PPARGC1A: variants seen among roughly 807,000 people sequenced by gnomAD.
PPARGC1A encodes the protein PPARG coactivator 1 alpha.
A neutral mutation model predicts 88.7 loss-of-function variants in PPARGC1A; 25 were observed. The observed-to-expected ratio is 0.28, with a 90% CI of 0.21 to 0.39. The LOEUF (loss-of-function observed/expected upper bound fraction) is 0.39. Among genes scored for constraint, PPARGC1A ranks in the 10% least tolerant of loss-of-function variants. The probability of loss-of-function intolerance (pLI) is 1.00; values close to 1 mark genes in which losing one functional copy is unlikely to be tolerated. For missense variants in PPARGC1A, 880 were observed against 968.7 expected (o/e 0.91, Z 1.22); for synonymous variants, 363 against 355.6 (o/e 1.02, Z -0.24).
the PPARGC1A span, among the ~76,000 whole-genome samples, chr4:24,126,983 C>A: frequency 3.3e-5 from 5 of 152,140 alleles, no homozygotes; most frequent in Non-Finnish European, 5.9e-5. Context: ...GCCTGGGTGG[C>A]CATTTCCTAT....
chr4:23,803,424 A>G (rs1455504446), intron 10 of PPARGC1A, among the ~76,000 whole-genome samples: 2 of 152,216 alleles, frequency 1.3e-5, no homozygotes, highest in Admixed American at 1.3e-4. Context: ...TTAGGAACAG[A>G]CTAGAGGGGT....
the PPARGC1A span, among the ~76,000 whole-genome samples, chr4:24,285,843 A>T: frequency 6.6e-5 from 10 of 152,310 alleles, 1 homozygote; most frequent in South Asian, 2.1e-3. Context: ...AGTCATGAGG[A>T]TAAAAATATG....
the PPARGC1A span, among the ~76,000 whole-genome samples, chr4:24,396,969 A>G: frequency 6.6e-6 from 1 of 152,130 alleles, no homozygotes; most frequent in Admixed American, 6.5e-5. Context: ...CAGAAACACA[A>G]TTTTTCTGCT....
chr4:24,280,285 C>A, the PPARGC1A span, among the ~76,000 whole-genome samples: 4 of 152,224 alleles, frequency 2.6e-5, no homozygotes, highest in Non-Finnish European at 5.9e-5. Flanking sequence ...CTGCTGAAGT[C>A]ACAGCTGCTA....
Position 23,801,715 on chromosome 4 carries a change from C to A in PPARGC1A, c.2293+15G>T, listed in dbSNP as rs1230335616. ...CATTATGGATTCCTCATTCCACGTA[C>A]AATAAAATCCATACCTAGGTCTGCA... On this transcript the variant is annotated intron_variant, in intron 12 of 12. Coordinates refer to ENST00000264867, the MANE Select transcript of PPARGC1A (RefSeq NM_013261.5). The A allele has an allele frequency of 6.2e-7, 1 of 1,613,486 alleles. No homozygotes were observed. Among genetic ancestry groups the A allele is most frequent in the Admixed American group, 1.7e-5 (1 of 59,974 alleles).
At chr4:24,445,008 C>A in the PPARGC1A span, among the ~76,000 whole-genome samples, 1 of 151,774 alleles carries the variant, frequency 6.6e-6, no homozygotes, top group African/African-American at 2.4e-5. Context: ...GCTGTGATTG[C>A]GCCACTTGCA....
the PPARGC1A span, among the ~76,000 whole-genome samples, chr4:23,965,375 C>T: frequency 6.6e-6 from 1 of 152,108 alleles, no homozygotes; most frequent in African/African-American, 2.4e-5. Context: ...ATGTCTGGCC[C>T]ACAGTGGGGG....
chr4:24,180,663 C>T, the PPARGC1A span, among the ~76,000 whole-genome samples: 1 of 152,184 alleles, frequency 6.6e-6, no homozygotes, highest in African/African-American at 2.4e-5. Flanking sequence ...GACTTTTTTA[C>T]TCTTTCCAGC....
At chr4:24,049,400 A>C in the PPARGC1A span, among the ~76,000 whole-genome samples, 1 of 148,482 alleles carries the variant, frequency 6.7e-6, no homozygotes, top group Admixed American at 6.7e-5. Flanking sequence ...CAGATGATTT[A>C]TTCTGAAAAA....
chr4:24,223,660 A>G, the PPARGC1A span, among the ~76,000 whole-genome samples: 34 of 152,260 alleles, frequency 2.2e-4, no homozygotes, highest in Admixed American at 2.2e-3. Flanking sequence ...TTATGAAAGC[A>G]ATGATGCATC....
At chr4:24,420,715 T>A in the PPARGC1A span, among the ~76,000 whole-genome samples, 1 of 152,172 alleles carries the variant, frequency 6.6e-6, no homozygotes, top group Admixed American at 6.5e-5. Context: ...AGCCCTCCCC[T>A]ACCACTTGGC....
chr4:24,147,265 T>C, the PPARGC1A span, among the ~76,000 whole-genome samples: 5 of 152,298 alleles, frequency 3.3e-5, no homozygotes, highest in South Asian at 1.0e-3. Context: ...CTTGGACTCA[T>C]GCTCGAACCG....
chr4:23,868,729 G>A (rs1712611845), intron 2 of PPARGC1A, among the ~76,000 whole-genome samples: 1 of 152,182 alleles, frequency 6.6e-6, no homozygotes, highest in Non-Finnish European at 1.5e-5. Flanking sequence ...TAAATTTCGG[G>A]ACTTAATAGT....
At chr4:24,459,728 C>CT in the PPARGC1A span, among the ~76,000 whole-genome samples, 1 of 152,186 alleles carries the variant, frequency 6.6e-6, no homozygotes, top group Admixed American at 6.5e-5. Context: ...GAGATTCAAT[C>CT]TGCAGTTAGC....
chr4:24,099,450 C>T, the PPARGC1A span, among the ~76,000 whole-genome samples: 1 of 152,076 alleles, frequency 6.6e-6, no homozygotes, highest in African/African-American at 2.4e-5. Flanking sequence ...AGTTATTTTC[C>T]AGTTCAGCTT....
At chr4:24,114,123 CA>C in the PPARGC1A span, among the ~76,000 whole-genome samples, 4,481 of 60,756 alleles carry the variant, frequency 0.074, 44 homozygotes, top group Middle Eastern at 0.11. Flanking sequence ...GACTCCATCA[CA>C]AAAAAAAAAA....
chr4:24,451,104 C>G, the PPARGC1A span, among the ~76,000 whole-genome samples: 2 of 152,162 alleles, frequency 1.3e-5, no homozygotes, highest in African/African-American at 4.8e-5. Context: ...GGTTCCTAAT[C>G]AAATAAATCT....
the PPARGC1A span, among the ~76,000 whole-genome samples, chr4:24,049,107 T>C: frequency 3.0e-4 from 46 of 151,544 alleles, no homozygotes; most frequent in Non-Finnish European, 5.5e-4. Context: ...TCTGAGCTCC[T>C]GGGCCATTAT....
chr4:24,331,034 C>G, the PPARGC1A span, among the ~76,000 whole-genome samples: 35 of 152,306 alleles, frequency 2.3e-4, no homozygotes, highest in South Asian at 7.3e-3. Context: ...AGGCATCTAG[C>G]CTTACCATTC....
Sources: allele counts gnomAD v4.1 joint callset (sites outside exome capture counted in the v4.1 genomes callset), GRCh38; gene constraint gnomAD v4.1.1; transcripts MANE v1.5; gene names NCBI Gene and HGNC (gene_info 2026-07-23, HGNC 2026-07-21).